Variants in DNAH9 observed in about 807,000 individuals in gnomAD.
The protein encoded by DNAH9 is DNAH9 variant protein.
Under a neutral mutation model 471.6 loss-of-function variants are expected in DNAH9, and 345 were observed. The observed-to-expected ratio is 0.73, with a 90% confidence interval of 0.67 to 0.80. The LOEUF (loss-of-function observed/expected upper bound fraction) is 0.80. DNAH9 is among the 30% of genes least tolerant of loss of function. The probability of loss-of-function intolerance (pLI) is 0.00; values close to 1 mark genes in which losing one functional copy is unlikely to be tolerated. For missense variants in DNAH9, 5,407 were observed against 5,609.2 expected (o/e 0.96, Z 1.15); for synonymous variants, 2,093 against 2,123.6 (o/e 0.99, Z 0.40).
intron 28 of DNAH9, among the ~76,000 whole-genome samples, chr17:11,731,257 A>T (rs888294193): frequency 5.3e-5 from 8 of 152,018 alleles, no homozygotes; most frequent in Non-Finnish European, 1.2e-4. Context: ...GATGATAGTG[A>T]TAATGATGGT....
chr17:11,955,998 A>G (rs1168302646), intron 67 of DNAH9, among the ~76,000 whole-genome samples: 3 of 152,238 alleles, frequency 2.0e-5, no homozygotes, highest in African/African-American at 4.8e-5. Context: ...CTAAGTTTCT[A>G]GATGCCAGCC....
intron 33 of DNAH9, among the ~76,000 whole-genome samples, 193 bp downstream of exon 33, chr17:11,753,153 A>G (rs985247262): frequency 1.3e-5 from 2 of 152,256 alleles, no homozygotes; most frequent in African/African-American, 2.4e-5. Context: ...CATCAATGGT[A>G]CTGCCATGGC....
chr17:11,762,773 T>TTTTTTGTTTG, intron 35 of DNAH9, among the ~76,000 whole-genome samples: 1 of 109,288 alleles, frequency 9.2e-6, no homozygotes, highest in East Asian at 2.4e-4. Flanking sequence ...TTTTTTTGTT[T>TTTTTTGTTTG]TTTTTTTTTT....
intron 9 of DNAH9, among the ~76,000 whole-genome samples, chr17:11,640,046 A>C (rs2073240720): frequency 6.6e-6 from 1 of 152,180 alleles, no homozygotes. Flanking sequence ...AAATCAGAAT[A>C]GCTTGGGCAT....
At chr17:11,630,979 C>T (rs1450160559) in intron 7 of DNAH9, among the ~76,000 whole-genome samples, 1 of 152,110 alleles carries the variant, frequency 6.6e-6, no homozygotes, top group Non-Finnish European at 1.5e-5. Flanking sequence ...CGGGCAAAAA[C>T]TGCTAAGGGA....
At chr17:11,640,558 C>T (rs1182107658) in intron 10 of DNAH9, among the ~76,000 whole-genome samples, 174 bp downstream of exon 10, 4 of 152,156 alleles carry the variant, frequency 2.6e-5, no homozygotes, top group African/African-American at 9.7e-5. Context: ...GATATTGATG[C>T]ATTTGGACTG....
In DNAH9 at chr17:11,701,317, C is replaced by T. The variant is rs532954615; in HGVS notation, c.5151+70C>T. 9 of 1,545,108 alleles carry T rather than the reference C, an allele frequency of 5.8e-6. No individual in the cohort carries two copies. The Admixed American group carries it at 8.6e-5, about 15-fold the overall frequency. On this transcript the variant is annotated intron_variant, in intron 24 of 68. Coordinates refer to ENST00000262442, the MANE Select transcript of DNAH9 (RefSeq NM_001372.4). ...TTCCTCCGCAGCCTCCCCCAGCCTT[C>T]AGCAGCTGGTAGATATCAGGCTGGC...
intron 27 of DNAH9, among the ~76,000 whole-genome samples, chr17:11,725,418 G>A (rs574404363): frequency 3.7e-4 from 57 of 152,304 alleles, no homozygotes; most frequent in Admixed American, 5.9e-4. Context: ...TAGAGGCATC[G>A]TCTATCTTGT....
Position 11,742,263 on chromosome 17 carries a change from A to G in DNAH9, c.6061A>G (p.Arg2021Gly), listed in dbSNP as rs2075443770. 1 of 1,614,070 alleles carries G rather than the reference A, an allele frequency of 6.2e-7. No individual in the cohort carries two copies. The highest frequency in any genetic ancestry group is 1.3e-5 in the African/African-American group (1 of 74,942). The change falls in exon 30 of 69, where the codon AGA becomes GGA. Residue 2021 changes from arginine (R) to glycine (G), a missense_variant. Transcript: ENST00000262442. ...ATTCATTGAAGCCCAGTCATTAGCC[A>G]GAAAGTTCATCACTCTTTACCAGTT... ...EGFIEAQSLA[R>G]KFITLYQLCK...
chr17:11,743,987 CCCCAGCTAATTTTTG>C (rs1480150445), intron 30 of DNAH9, among the ~76,000 whole-genome samples: 1 of 151,864 alleles, frequency 6.6e-6, no homozygotes, highest in Non-Finnish European at 1.5e-5. Flanking sequence ...CCACCACCAA[CCCCAGCTAATTTTTG>C]TATTTTCAGT....
intron 14 of DNAH9, among the ~76,000 whole-genome samples, chr17:11,658,807 T>C (rs1225292114): frequency 6.6e-6 from 1 of 152,196 alleles, no homozygotes; most frequent in Non-Finnish European, 1.5e-5. Flanking sequence ...TCTTTTTTTT[T>C]CAAATGTTAA....
chr17:11,675,344 T>C (rs970226650), intron 17 of DNAH9, among the ~76,000 whole-genome samples: 20 of 152,158 alleles, frequency 1.3e-4, no homozygotes, highest in African/African-American at 3.1e-4. Flanking sequence ...TGTACATTCT[T>C]TGGTGTTTGC....
intron 44 of DNAH9, among the ~76,000 whole-genome samples, chr17:11,808,760 T>A (rs1015292370): frequency 2.0e-5 from 3 of 152,128 alleles, no homozygotes; most frequent in African/African-American, 7.2e-5. Context: ...TCGCTGGGGA[T>A]CTAGAAAGAA....
intron 6 of DNAH9, among the ~76,000 whole-genome samples, chr17:11,620,999 T>C (rs755432153): frequency 5.3e-5 from 8 of 152,148 alleles, no homozygotes; most frequent in Non-Finnish European, 1.2e-4. Flanking sequence ...GTTTAACAGG[T>C]CTCTCAACAT....
chr17:11,952,050 C>T (rs1975384129), intron 67 of DNAH9, among the ~76,000 whole-genome samples: 1 of 151,654 alleles, frequency 6.6e-6, no homozygotes, highest in Admixed American at 6.6e-5. Flanking sequence ...ACAGGAAGCT[C>T]TGGTGGATGA....
chr17:11,610,125 T>A (rs997577959), intron 2 of DNAH9, among the ~76,000 whole-genome samples: 1 of 152,234 alleles, frequency 6.6e-6, no homozygotes, highest in African/African-American at 2.4e-5. Flanking sequence ...CTTAAACTAG[T>A]CTTCAGGATA....
At chr17:11,719,525 G>C (rs1567747341) in intron 27 of DNAH9, 35 bp downstream of exon 27, 1 of 1,583,710 alleles carries the variant, frequency 6.3e-7, no homozygotes, top group Non-Finnish European at 8.6e-7. Flanking sequence ...GGGTGGGGGT[G>C]GGGGATAGGA....
intron 29 of DNAH9, among the ~76,000 whole-genome samples, chr17:11,741,497 G>C (rs1251667220): frequency 6.6e-6 from 1 of 152,130 alleles, no homozygotes; most frequent in African/African-American, 2.4e-5. Flanking sequence ...ATTTACATTT[G>C]TATTCAAACA....
chr17:11,863,826 T>C (rs1246815387), intron 50 of DNAH9, among the ~76,000 whole-genome samples: 2 of 151,066 alleles, frequency 1.3e-5, no homozygotes, highest in Non-Finnish European at 3.0e-5. Flanking sequence ...TTTGTAGTAT[T>C]CTCTGATGGT....
Sources: allele counts gnomAD v4.1 joint callset (sites outside exome capture counted in the v4.1 genomes callset), GRCh38; gene constraint gnomAD v4.1.1; transcripts MANE v1.5; gene names NCBI Gene and HGNC (gene_info 2026-07-23, HGNC 2026-07-21).